SRRM2: variants seen among roughly 807,000 people sequenced by gnomAD.
The protein encoded by SRRM2 is serine/arginine repetitive matrix 2.
SRRM2 carries 30 observed loss-of-function variants against 213.8 expected under a neutral mutation model. The observed-to-expected ratio is 0.14, with a 90% confidence interval of 0.10 to 0.19. The LOEUF is 0.19. Ranked by LOEUF, SRRM2 falls within the 10% of genes least tolerant of loss-of-function variation. SRRM2 has a pLI of 1.00. For synonymous variants in SRRM2, 2,025 were observed against 1,377.7 expected, an observed-to-expected ratio of 1.47 and a Z score of -10.40; for missense variants, 4,904 against 3,647.0, an observed-to-expected ratio of 1.34 and a Z score of -8.88.
rs772972490 is a variant in SRRM2 at position 2,770,403 on chromosome 16, C to G, written c.8073C>G (p.Leu2691=). The change falls in exon 13 of 15, where the codon CTC becomes CTG. Residue 2691 remains leucine, a synonymous_variant. Coordinates refer to ENST00000301740, the MANE Select transcript of SRRM2 (RefSeq NM_016333.4). ...PIDSLRDSRS[L]SYSPVERRRP... ...ACTCCCTCAGGGACTCTCGGTCCCT[C>G]AGCTACTCGCCTGTGGAGCGTCGCC... 1.9e-6 allele frequency: 3 copies of G among 1,610,526 alleles called. No homozygotes were observed. In the Admixed American group the frequency reaches 5.0e-5, roughly 27 times the overall value.
chr16:2,753,054 C>A (rs2067990880), intron 1 of SRRM2, among the ~76,000 whole-genome samples: 2 of 151,814 alleles, frequency 1.3e-5, no homozygotes, highest in South Asian at 2.1e-4. Flanking sequence ...CCGCCCCTCC[C>A]CCATGACAAC....
At chr16:2,756,007 G>A (rs570767521) in intron 1 of SRRM2, among the ~76,000 whole-genome samples, 1 of 152,168 alleles carries the variant, frequency 6.6e-6, no homozygotes, top group African/African-American at 2.4e-5. Context: ...AGTGTGGAGA[G>A]ATTTTAGAGG....
Position 2,764,822 on chromosome 16 carries a change from C to T in SRRM2, c.4294C>T (p.Pro1432Ser), listed in dbSNP as rs1477627357. 6.2e-7 allele frequency: 1 copy of T among 1,614,042 alleles called. No individual in the cohort carries two copies. The highest frequency in any genetic ancestry group is 2.2e-5 in the East Asian group (1 of 44,890). Residue 1432 changes from proline (P) to serine (S), a missense_variant, in exon 11 of 15, where the codon CCC becomes TCC. Physicochemically the swap from Pro to Ser is moderately conservative, Grantham distance 74 (BLOSUM62 -1). Coordinates refer to ENST00000301740, the MANE Select transcript of SRRM2 (RefSeq NM_016333.4). Reference sequence around the variant, plus strand: ...TTCTCCTGAAATGAAAGATGGTTTACCCAGAACTCCATCAAGGAGAAGCAG... The same window carrying T: ...TTCTCCTGAAATGAAAGATGGTTTATCCAGAACTCCATCAAGGAGAAGCAG... ...ASSPEMKDGL[P>S]RTPSRRSRSG...
chr16:2,761,743 A>C lies in SRRM2; in HGVS notation c.1215A>C (p.Pro405=). 6.2e-7 allele frequency: 1 copy of C among 1,612,230 alleles called. No homozygotes were observed. Among genetic ancestry groups the C allele is most frequent in the Non-Finnish European group, 8.5e-7 (1 of 1,179,118 alleles). ...SEASPTRDRS[P]PKSPEKLPQS... ...CCTCTCCAACTCGGGACCGTTCACC[A>C]CCTAAGTCTCCCGAGAAACTTCCCC... The change falls in exon 11 of 15, where the codon CCA becomes CCC. Residue 405 remains proline, a synonymous_variant. Transcript: ENST00000301740.
Position 2,771,194 on chromosome 16 carries a change from T to C in SRRM2, c.*327T>C. 1 of 631,478 alleles carries C rather than the reference T, an allele frequency of 1.6e-6. No individual in the cohort carries two copies. The highest frequency in any genetic ancestry group is 2.8e-6 in the Non-Finnish European group (1 of 360,386). 39.1% of individuals were successfully genotyped at this position (631,478 alleles called of 1,614,324 possible). ...GCATGGCCCCACTTGTATCCAGAAG[T>C]TCCCAGGGGTGATTGTGATGGTGGT... On this transcript the variant is annotated 3_prime_UTR_variant, in exon 15 of 15. Transcript: ENST00000301740.
In SRRM2 at chr16:2,766,132, C is replaced by A. The variant is rs758681825; in HGVS notation, c.5604C>A (p.Ala1868=). 6.2e-7 allele frequency: 1 copy of A among 1,614,112 alleles called. No homozygotes were observed. Among genetic ancestry groups the A allele is most frequent in the Non-Finnish European group, 8.5e-7 (1 of 1,180,000 alleles). ...CGTGGAAACGCTCTAGATCTCGAGC[C>A]TCTCCAGCCACTCACCGGCGATCCA... ...PAPWKRSRSR[A]SPATHRRSRS... The change falls in exon 11 of 15, where the codon GCC becomes GCA. Residue 1868 remains alanine (A), a synonymous_variant. Transcript: ENST00000301740. The surrounding 1 kb of genome is among the most constrained non-coding windows in gnomAD (Gnocchi z 7.0).
At chr16:2,755,787 T>C (rs1269067166) in intron 1 of SRRM2, among the ~76,000 whole-genome samples, 1 of 152,170 alleles carries the variant, frequency 6.6e-6, no homozygotes, top group African/African-American at 2.4e-5. Context: ...GTGTAGTTTA[T>C]TTCATATTCG....
At chr16:2,770,547 C>G in intron 13 of SRRM2, 57 bp from the exon 14 acceptor site, 1 of 1,552,508 alleles carries the variant, frequency 6.4e-7, no homozygotes, top group African/African-American at 1.4e-5. Flanking sequence ...GCGGTTGTGG[C>G]TATGTGGTGC....
chr16:2,754,078 C>T (rs988545634), intron 1 of SRRM2, among the ~76,000 whole-genome samples: 3 of 152,114 alleles, frequency 2.0e-5, no homozygotes, highest in Admixed American at 6.5e-5. Context: ...TTTTGCATAT[C>T]CACTGTCTAT....
intron 1 of SRRM2, 25 bp from the exon 2 acceptor site, chr16:2,756,309 C>T (rs531418836): frequency 6.6e-7 from 1 of 1,513,540 alleles, no homozygotes; most frequent in East Asian, 2.4e-5. Flanking sequence ...AGGGGCCTGA[C>T]CCGTGTCTCC....
In SRRM2 at chr16:2,763,491, G is replaced by A. The variant is rs748833262; in HGVS notation, c.2963G>A (p.Ser988Asn). 1.2e-6 allele frequency: 2 copies of A among 1,613,986 alleles called. No homozygotes were observed. Among genetic ancestry groups the A allele is most frequent in the Non-Finnish European group, 1.7e-6 (2 of 1,179,998 alleles). ...AAACCTGAAACACCGCCAAGACAAA[G>A]TCACTCAGGGTCTATTTCACCATAC... ...KVKPETPPRQ[S>N]HSGSISPYPK... The change falls in exon 11 of 15, where the codon AGT becomes AAT. Residue 988 changes from serine to asparagine, a missense_variant. Transcript: ENST00000301740.
At chr16:2,757,341 C>A in intron 2 of SRRM2, 131 bp from the exon 3 acceptor site, 1 of 682,792 alleles carries the variant, frequency 1.5e-6, no homozygotes, top group Non-Finnish European at 2.6e-6. Flanking sequence ...ACAGAAGGGA[C>A]TTTTGGGTGA....
At position 2,756,623 on chromosome 16, in the gene SRRM2, G is replaced by A. The variant is rs773935197; in HGVS notation, c.242+17G>A. 6.2e-7 allele frequency: 1 copy of A among 1,604,578 alleles called. No homozygotes were observed. Among genetic ancestry groups the A allele is most frequent in the Non-Finnish European group, 8.5e-7 (1 of 1,175,174 alleles). On this transcript the variant is annotated intron_variant, in intron 2 of 14. Transcript: ENST00000301740. Reference sequence around the variant, plus strand: ...AGAGCAGGGGTGAGGGAGAGCTGGGGGAGAGTCAAGCACTGAATGAGTGCA... The same window carrying A: ...AGAGCAGGGGTGAGGGAGAGCTGGGAGAGAGTCAAGCACTGAATGAGTGCA...
chr16:2,763,203 C>T lies in SRRM2; in HGVS notation c.2675C>T (p.Ser892Leu). The T allele has an allele frequency of 6.2e-7, 1 of 1,614,114 alleles. No individual in the cohort carries two copies. Among genetic ancestry groups the T allele is most frequent in the Non-Finnish European group, 8.5e-7 (1 of 1,180,018 alleles). ...KSRTPSRHSC[S>L]GSSPPRVKSS... ...AGGACCCCTTCTAGACATAGCTGCT[C>T]AGGGTCCTCTCCTCCTAGAGTGAAA... The change falls in exon 11 of 15, where the codon TCA becomes TTA. Residue 892 changes from serine to leucine, a missense_variant. Coordinates refer to ENST00000301740, the MANE Select transcript of SRRM2 (RefSeq NM_016333.4).
chr16:2,765,678 G>T lies in SRRM2; in HGVS notation c.5150G>T (p.Arg1717Leu). 1.2e-6 allele frequency: 2 copies of T among 1,614,040 alleles called. No individual in the cohort carries two copies. The highest frequency in any genetic ancestry group is 2.2e-5 in the East Asian group (1 of 44,872). Reference protein sequence around the residue: ...SRSASSSPETRSRTPPRHRRS... With the variant: ...SRSASSSPETLSRTPPRHRRS... Reference sequence around the variant, plus strand: ...TCTGCCTCATCCTCACCAGAAACTCGCTCTAGAACTCCCCCAAGGCACCGG... The same window carrying T: ...TCTGCCTCATCCTCACCAGAAACTCTCTCTAGAACTCCCCCAAGGCACCGG... Residue 1717 changes from arginine (R) to leucine (L), a missense_variant, in exon 11 of 15, where the codon CGC becomes CTC. Transcript: ENST00000301740.
At chr16:2,761,473 A>G (rs1567226398) in intron 10 of SRRM2, 88 bp from the exon 11 acceptor site, 1 of 1,131,070 alleles carries the variant, frequency 8.8e-7, no homozygotes, top group East Asian at 2.7e-5. Context: ...AAGAAAAGTT[A>G]TCATTGGAAA....
In SRRM2 at chr16:2,765,437, A is replaced by G; in HGVS notation, c.4909A>G (p.Arg1637Gly). The G allele has an allele frequency of 6.2e-7, 1 of 1,614,142 alleles. No individual in the cohort carries two copies. Among genetic ancestry groups the G allele is most frequent in the Non-Finnish European group, 8.5e-7 (1 of 1,180,020 alleles). Residue 1637 changes from arginine (R) to glycine (G), a missense_variant, in exon 11 of 15, where the codon AGA becomes GGA. Physicochemically the swap from Arg to Gly is moderately radical, Grantham distance 125 (BLOSUM62 -2). Transcript: ENST00000301740. ...CCCTCGGGCCCTTCCCAGACGAAGCAGATCAGGTTCATCAAGCAAAGGCAG... is the reference window on the plus strand; with the variant it reads ...CCCTCGGGCCCTTCCCAGACGAAGCGGATCAGGTTCATCAAGCAAAGGCAG... ...PAPRALPRRS[R>G]SGSSSKGRGP...
intron 14 of SRRM2, 58 bp downstream of exon 14, chr16:2,770,775 CG>C: frequency 6.2e-7 from 1 of 1,604,092 alleles, no homozygotes; most frequent in Non-Finnish European, 8.5e-7. Context: ...TGGTGGGTGG[CG>C]GCCCCATTTT....
chr16:2,764,659 A>C lies in SRRM2; in HGVS notation c.4131A>C (p.Arg1377Ser), dbSNP rs776489706. ...TAGACATGAAAGAACAATCGACAAG[A>C]TCCTCTGGACACAGCAGTTCTGAGT... Reference protein sequence around the residue: ...PSLDMKEQSTRSSGHSSSELS... With the variant: ...PSLDMKEQSTSSSGHSSSELS... The change falls in exon 11 of 15, where the codon AGA (arginine) becomes AGC (serine). Residue 1377 changes from arginine to serine, a missense_variant. Arg to Ser is a moderately radical substitution (Grantham distance 110). Transcript: ENST00000301740. 8 of 1,614,012 alleles carry C rather than the reference A, an allele frequency of 5.0e-6. No homozygotes were observed. The highest frequency in any genetic ancestry group is 2.7e-5 in the African/African-American group (2 of 74,920).
Sources: allele counts gnomAD v4.1 joint callset (sites outside exome capture counted in the v4.1 genomes callset), GRCh38; gene constraint gnomAD v4.1.1; non-coding constraint Gnocchi (gnomAD v3.1); transcripts MANE v1.5; gene names NCBI Gene and HGNC (gene_info 2026-07-23, HGNC 2026-07-21).